Variants in MGRN1 observed in about 807,000 individuals in gnomAD.
MGRN1 encodes E3 ubiquitin-protein ligase MGRN1.
MGRN1 carries 29 observed loss-of-function variants against 69.2 expected under a neutral mutation model. The ratio of observed to expected loss-of-function variants is 0.42; its 90% CI spans 0.31 to 0.57. MGRN1 has a LOEUF of 0.57. MGRN1 is among the 20% of genes least tolerant of loss of function. The pLI, the probability that MGRN1 is intolerant of heterozygous loss-of-function variation, is 0.15. For synonymous variants in MGRN1, 470 were observed against 344.2 expected (o/e 1.37, Z -4.04); for missense variants, 998 against 796.2 (o/e 1.25, Z -3.05).
intron 1 of MGRN1, chr16:4,634,761 A>T (rs1222125170): frequency 2.0e-5 from 3 of 152,238 alleles, no homozygotes; most frequent in Non-Finnish European, 4.4e-5. Flanking sequence ...GAGTGACTGA[A>T]ATCAAGACCT....
At chr16:4,658,830 C>G (rs889182117) in intron 5 of MGRN1, 5 of 152,122 alleles carry the variant, frequency 3.3e-5, no homozygotes, top group Non-Finnish European at 5.9e-5. Context: ...AACCTTGTCT[C>G]TATGAAAAAT....
At chr16:4,685,404 C>G (rs1232009477) in intron 16 of MGRN1, among the ~76,000 whole-genome samples, 1 of 152,252 alleles carries the variant, frequency 6.6e-6, no homozygotes, top group Admixed American at 6.5e-5. Flanking sequence ...TCATGCCCCA[C>G]CCACAGGGGA....
At chr16:4,668,018 G>C (rs572228930) in intron 7 of MGRN1, among the ~76,000 whole-genome samples, 3 of 152,318 alleles carry the variant, frequency 2.0e-5, no homozygotes, top group African/African-American at 7.2e-5. Flanking sequence ...TGGGTCAGCA[G>C]AGGGTCCCCG....
chr16:4,638,487 C>G (rs555674338), intron 1 of MGRN1, among the ~76,000 whole-genome samples: 1 of 151,130 alleles, frequency 6.6e-6, no homozygotes, highest in Non-Finnish European at 1.5e-5. Flanking sequence ...AAATAAATAT[C>G]TCAGCCCATG....
intron 1 of MGRN1, among the ~76,000 whole-genome samples, chr16:4,626,573 A>G (rs888609042): frequency 2.0e-5 from 3 of 152,208 alleles, no homozygotes; most frequent in Non-Finnish European, 4.4e-5. Flanking sequence ...ATAAAGGAAG[A>G]TAAGTGACTA....
chr16:4,625,388 C>T (rs1897621685), intron 1 of MGRN1, among the ~76,000 whole-genome samples: 1 of 152,252 alleles, frequency 6.6e-6, no homozygotes, highest in Non-Finnish European at 1.5e-5. Context: ...GGTCCCGGCG[C>T]ATCGCTTCTG....
intron 4 of MGRN1, 121 bp from the exon 5 acceptor site, chr16:4,657,125 A>G (rs941172789): frequency 1.3e-5 from 12 of 933,990 alleles, no homozygotes; most frequent in Non-Finnish European, 1.8e-5. Flanking sequence ...GCTGTTCCCC[A>G]TGAGAGAGGG....
At chr16:4,653,933 G>A (rs961067853) in intron 4 of MGRN1, among the ~76,000 whole-genome samples, 1 of 152,236 alleles carries the variant, frequency 6.6e-6, no homozygotes, top group East Asian at 1.9e-4. Context: ...TGTATTTTTA[G>A]TAGAGACGGG....
intron 7 of MGRN1, among the ~76,000 whole-genome samples, chr16:4,666,856 C>G (rs1231905769): frequency 1.3e-5 from 2 of 152,198 alleles, no homozygotes; most frequent in Non-Finnish European, 2.9e-5. Context: ...ATCCCCAGAG[C>G]TGAGTTTGAT....
rs371210945 is a variant in MGRN1 at position 4,682,874 on chromosome 16, C to T, written c.1410C>T (p.Leu470=). Residue 470 remains leucine, a synonymous_variant, in exon 14 of 17, where the codon CTC becomes CTT. Transcript: ENST00000262370. ...TCCACGAAGAGGATGAGGAGAAGCT[C>T]TCCGAGGACGTGGACGCCCCTCCCC... ...SPIHEEDEEK[L]SEDVDAPPPL... 4 of 1,610,172 alleles carry T rather than the reference C, an allele frequency of 2.5e-6. No individual in the cohort carries two copies. The African/African-American group carries it at 4.0e-5, about 16-fold the overall frequency.
intron 5 of MGRN1, among the ~76,000 whole-genome samples, chr16:4,661,085 A>G (rs1197472316): frequency 6.6e-6 from 1 of 151,510 alleles, no homozygotes; most frequent in Non-Finnish European, 1.5e-5. Context: ...GGGTTAAGCG[A>G]TCCTCTCACC....
intron 11 of MGRN1, among the ~76,000 whole-genome samples, chr16:4,678,138 C>T (rs2079094292): frequency 6.6e-6 from 1 of 152,222 alleles, no homozygotes; most frequent in Non-Finnish European, 1.5e-5. Flanking sequence ...TGAGCCACCG[C>T]CTCCACCCCG....
rs983749475 is a variant in MGRN1 at position 4,655,575 on chromosome 16, C to T, written c.444-1671C>T. Among the ~76,000 whole-genome samples the T allele has an allele frequency of 2.6e-5, 4 of 152,052 alleles. No homozygotes were observed. In the South Asian group the frequency reaches 6.2e-4, roughly 24 times the overall value. On this transcript the variant is annotated intron_variant, in intron 4 of 16. Coordinates refer to ENST00000262370, the MANE Select transcript of MGRN1 (RefSeq NM_015246.4). ...CAGGAACAGCTCCAGTGCCACTGTC[C>T]CCCTCTCTCAGGACCTGGTACGAGG...
At chr16:4,667,529 T>C (rs573261862) in intron 7 of MGRN1, among the ~76,000 whole-genome samples, 3 of 152,372 alleles carry the variant, frequency 2.0e-5, no homozygotes, top group African/African-American at 7.2e-5. Flanking sequence ...CAAAATGGTC[T>C]ATTCTGTGCT....
At chr16:4,661,073 C>G (rs1237768027) in intron 5 of MGRN1, among the ~76,000 whole-genome samples, 1 of 152,124 alleles carries the variant, frequency 6.6e-6, no homozygotes. Flanking sequence ...CCTCGAACTC[C>G]TGGGTTAAGC....
chr16:4,660,899 G>A (rs1044358253), intron 5 of MGRN1, among the ~76,000 whole-genome samples: 1 of 152,220 alleles, frequency 6.6e-6, no homozygotes, highest in East Asian at 1.9e-4. Context: ...GGTGTCTGTG[G>A]TATCCCTCAG....
At chr16:4,677,650 C>G (rs1334996720) in intron 11 of MGRN1, 78 bp downstream of exon 11, 1 of 1,360,586 alleles carries the variant, frequency 7.3e-7, no homozygotes, top group Non-Finnish European at 1.0e-6. Flanking sequence ...CCCAGACGGT[C>G]CAGCCAGCAG....
Position 4,689,765 on chromosome 16 carries a change from CT to C in MGRN1, c.*858del, listed in dbSNP as rs2079414859. 1 of 129,272 alleles carries C rather than the reference CT, an allele frequency of 7.7e-6. No individual in the cohort carries two copies. 8.0% of individuals were successfully genotyped at this position (129,272 alleles called of 1,614,324 possible). A position where few individuals can be genotyped will look rare whatever the true frequency, so the allele number is the denominator to read the frequency against. ...TGGAATGTCCCCTTGCAGTTCTCTT[CT>C]CTTTTTTTTTTTTTTTGAGATGGAG... On this transcript the variant is annotated 3_prime_UTR_variant, in exon 17 of 17. Transcript: ENST00000262370.
intron 1 of MGRN1, chr16:4,649,205 C>T (rs1375912716): frequency 1.3e-5 from 2 of 152,350 alleles, no homozygotes; most frequent in East Asian, 3.9e-4. Context: ...ACAGAGACTT[C>T]TAAACCCGGC....
Sources: gnomAD v4.1 joint callset for allele counts (sites outside exome capture counted in the v4.1 genomes callset) on GRCh38, gnomAD v4.1.1 for gene constraint, MANE v1.5 for transcripts, NCBI Gene and HGNC (gene_info 2026-07-23, HGNC 2026-07-21) for gene names.